RGS3: variants seen among roughly 807,000 people sequenced by gnomAD.
The protein encoded by RGS3 is regulator of G protein signaling 3.
A neutral mutation model predicts 132.6 loss-of-function variants in RGS3; 80 were observed. That is an observed-to-expected ratio of 0.60 (90% CI 0.50 to 0.73). RGS3 has a LOEUF of 0.73. Among genes scored for constraint, RGS3 ranks in the 30% least tolerant of loss-of-function variants. The probability of loss-of-function intolerance (pLI) is 0.00; values close to 1 mark genes in which losing one functional copy is unlikely to be tolerated. For synonymous variants in RGS3, 598 were observed against 620.6 expected (o/e 0.96, Z 0.54); for missense variants, 1,382 against 1,530.8 (o/e 0.90, Z 1.62).
At chr9:113,452,341 C>T (rs961982868) in intron 1 of RGS3, among the ~76,000 whole-genome samples, 15 of 151,822 alleles carry the variant, frequency 9.9e-5, no homozygotes, top group African/African-American at 3.1e-4. Context: ...TATTGCTTCC[C>T]TGTCTTCTGT....
intron 19 of RGS3, among the ~76,000 whole-genome samples, chr9:113,561,615 T>C (rs1469015881): frequency 7.4e-6 from 1 of 135,468 alleles, no homozygotes; most frequent in Non-Finnish European, 1.6e-5. Context: ...AGAGATGGAG[T>C]CTTCCTATGT....
intron 19 of RGS3, among the ~76,000 whole-genome samples, chr9:113,574,564 C>G (rs1834426623): frequency 6.6e-6 from 1 of 152,206 alleles, no homozygotes; most frequent in Non-Finnish European, 1.5e-5. Context: ...GTGAATAAGC[C>G]AGACATGATC....
chr9:113,521,119 C>T (rs1164884343), intron 16 of RGS3, among the ~76,000 whole-genome samples: 2 of 152,162 alleles, frequency 1.3e-5, no homozygotes, highest in Non-Finnish European at 2.9e-5. Flanking sequence ...TTCTCTTGGG[C>T]TGCACTGAGA....
In RGS3 at chr9:113,446,422, T is replaced by C. The variant is rs544246794; in HGVS notation, c.-13+1495T>C. Among the ~76,000 whole-genome samples the C allele has an allele frequency of 7.2e-5, 11 of 152,340 alleles. No individual in the cohort carries two copies. In the South Asian group the frequency reaches 2.3e-3, roughly 32 times the overall value. On this transcript the variant is annotated intron_variant, in intron 1 of 25. Coordinates refer to the RGS3 transcript ENST00000374140. ...TCCTGGATCAATTGGTAAAGTTTTC[T>C]GGAACCACTAGGTGGTGATATTACA...
chr9:113,553,253 G>A (rs1387523920), intron 19 of RGS3, among the ~76,000 whole-genome samples: 1 of 148,964 alleles, frequency 6.7e-6, no homozygotes, highest in Admixed American at 6.7e-5. Context: ...ACAAGCCTAG[G>A]CAATATAGTG....
At chr9:113,569,895 C>T (rs995445682) in intron 19 of RGS3, among the ~76,000 whole-genome samples, 1 of 152,104 alleles carries the variant, frequency 6.6e-6, no homozygotes, top group East Asian at 1.9e-4. Flanking sequence ...TGTGATTGTA[C>T]AGATGCTTGC....
chr9:113,573,564 C>T (rs1340242960), intron 19 of RGS3, among the ~76,000 whole-genome samples: 4 of 152,238 alleles, frequency 2.6e-5, no homozygotes, highest in Non-Finnish European at 5.9e-5. Flanking sequence ...TTGTGTCCTT[C>T]CCTGAGGTCA....
At chr9:113,545,615 C>T (rs1642659142) in intron 19 of RGS3, among the ~76,000 whole-genome samples, 1 of 152,176 alleles carries the variant, frequency 6.6e-6, no homozygotes, top group South Asian at 2.1e-4. Context: ...TCTATCCTGT[C>T]TTCGCCTTCT....
chr9:113,510,088 C>G (rs1336789890), intron 14 of RGS3, among the ~76,000 whole-genome samples: 2 of 152,002 alleles, frequency 1.3e-5, no homozygotes, highest in Admixed American at 1.3e-4. Context: ...TCTCACCCCC[C>G]TCCCATCCTT....
intron 1 of RGS3, among the ~76,000 whole-genome samples, chr9:113,460,506 G>A (rs1829448582): frequency 6.6e-6 from 1 of 151,406 alleles, no homozygotes; most frequent in Non-Finnish European, 1.5e-5. Flanking sequence ...GAGTGACAGA[G>A]TGAGACTCCG....
At chr9:113,594,121 G>C in intron 21 of RGS3, 17 of 1,613,118 alleles carry the variant, frequency 1.1e-5, no homozygotes, top group Non-Finnish European at 1.4e-5. Flanking sequence ...GCTTGTGCCT[G>C]GGAGTCCAGT....
At chr9:113,546,233 C>T (rs1207855874) in intron 19 of RGS3, among the ~76,000 whole-genome samples, 2 of 152,200 alleles carry the variant, frequency 1.3e-5, no homozygotes. Context: ...CCCTCCTTGG[C>T]TGTCCCTGCT....
chr9:113,458,690 A>G (rs190301608), upstream of RGS3, among the ~76,000 whole-genome samples: 48 of 152,240 alleles, frequency 3.2e-4, no homozygotes, highest in East Asian at 7.9e-3. Context: ...AAGTGACAAA[A>G]CTGGGAGAAT....
chr9:113,496,412 G>T (rs1041344832), intron 8 of RGS3, among the ~76,000 whole-genome samples: 1 of 152,074 alleles, frequency 6.6e-6, no homozygotes, highest in Admixed American at 6.5e-5. Context: ...GTGGAGGGTG[G>T]GGAGCACTCC....
chr9:113,511,888 A>G (rs1353765207), intron 14 of RGS3, among the ~76,000 whole-genome samples: 1 of 152,000 alleles, frequency 6.6e-6, no homozygotes. Context: ...CAGGCTGGCC[A>G]TGGGGTTTCA....
At chr9:113,536,524 C>T (rs2118602832) in intron 18 of RGS3, 2 of 1,223,900 alleles carry the variant, frequency 1.6e-6, no homozygotes, top group South Asian at 3.7e-5. Flanking sequence ...TCCTGCTCTC[C>T]ACAGGCCTCT....
At chr9:113,448,889 G>A (rs1829178769) in intron 1 of RGS3, among the ~76,000 whole-genome samples, 1 of 152,188 alleles carries the variant, frequency 6.6e-6, no homozygotes, top group Non-Finnish European at 1.5e-5. Context: ...AGGCTGGGTT[G>A]GGTTTTGGCA....
In RGS3 at chr9:113,499,066, A is replaced by C. The variant is rs140384650; in HGVS notation, c.897+986A>C. Among the ~76,000 whole-genome samples, 371 of 151,900 alleles carry C rather than the reference A, an allele frequency of 2.4e-3. 9 individuals are homozygous for C. The East Asian group carries it at 0.047, about 19-fold the overall frequency. On this transcript the variant is annotated intron_variant, in intron 10 of 24. Coordinates refer to ENST00000350696, the Ensembl canonical transcript of RGS3. ...ATATGGTGAAACCATGTCTCTACTA[A>C]AAATACAAAAATTAGCCAGGCATGG...
At chr9:113,562,528 A>G (rs992930281) in intron 19 of RGS3, among the ~76,000 whole-genome samples, 1 of 152,122 alleles carries the variant, frequency 6.6e-6, no homozygotes, top group Non-Finnish European at 1.5e-5. Flanking sequence ...TGAGGATTCA[A>G]TCAATCAGTC....
Sources: gnomAD v4.1 joint callset for allele counts (sites outside exome capture counted in the v4.1 genomes callset) on GRCh38, gnomAD v4.1.1 for gene constraint, MANE v1.5 for transcripts, NCBI Gene and HGNC (gene_info 2026-07-23, HGNC 2026-07-21) for gene names.